Variants in DLG2 observed in about 807,000 individuals in gnomAD.
DLG2 encodes the protein disks large homolog 2.
In DLG2, 45 loss-of-function variants were observed where a neutral mutation model predicts 132.5. The ratio of observed to expected loss-of-function variants is 0.34; its 90% CI spans 0.27 to 0.44. DLG2 has a LOEUF of 0.44. Ranked by LOEUF, DLG2 falls within the 20% of genes least tolerant of loss-of-function variation. The pLI, the probability that DLG2 is intolerant of heterozygous loss-of-function variation, is 1.00. For missense variants in DLG2, 1,045 were observed against 1,196.9 expected, an observed-to-expected ratio of 0.87 and a Z score of 1.87; for synonymous variants, 424 against 419.6, an observed-to-expected ratio of 1.01 and a Z score of -0.13.
At chr11:83,707,793 T>C (rs1354427606) in intron 18 of DLG2, among the ~76,000 whole-genome samples, 1 of 152,218 alleles carries the variant, frequency 6.6e-6, no homozygotes, top group Non-Finnish European at 1.5e-5. Context: ...AGGAACCCTG[T>C]CTTAATCATC....
chr11:84,634,792 A>C (rs1306665531), intron 6 of DLG2, among the ~76,000 whole-genome samples: 1 of 152,186 alleles, frequency 6.6e-6, no homozygotes, highest in African/African-American at 2.4e-5. Context: ...CACAGTAACA[A>C]ACTTGAAGGA....
intron 4 of DLG2, among the ~76,000 whole-genome samples, chr11:85,204,083 C>T (rs1318833853): frequency 6.6e-6 from 1 of 152,072 alleles, no homozygotes; most frequent in African/African-American, 2.4e-5. Context: ...TAACAACATA[C>T]TGAATGGGGA....
intron 6 of DLG2, among the ~76,000 whole-genome samples, chr11:85,073,448 T>C (rs2066132268): frequency 6.6e-6 from 1 of 151,826 alleles, no homozygotes; most frequent in African/African-American, 2.4e-5. Flanking sequence ...ATTATCAGGA[T>C]TGCGTAAGTA....
At position 85,424,266 on chromosome 11, in the gene DLG2, T is replaced by C. The variant is rs367801863; in HGVS notation, c.41-138901A>G. Among the ~76,000 whole-genome samples the C allele has an allele frequency of 1.4e-3, 214 of 152,302 alleles. 1 individual carries two copies. The highest frequency in any genetic ancestry group is 5.1e-3 in the African/African-American group (214 of 41,568). ...TTTGGGCACTCACAGTATTTGGATG[T>C]CTCCCAGGTACTGCAGGAGCAATCT... On this transcript the variant is annotated intron_variant, in intron 3 of 27. Transcript: ENST00000376104.
At chr11:84,779,358 T>C (rs1208928440) in intron 6 of DLG2, among the ~76,000 whole-genome samples, 1 of 152,210 alleles carries the variant, frequency 6.6e-6, no homozygotes, top group African/African-American at 2.4e-5. Flanking sequence ...TATTTCTTTA[T>C]CTGCTAGATC....
intron 7 of DLG2, among the ~76,000 whole-genome samples, chr11:84,501,045 G>A (rs774194012): frequency 5.9e-5 from 9 of 152,064 alleles, no homozygotes; most frequent in Non-Finnish European, 1.3e-4. Context: ...CCCATCCCCT[G>A]AACTCAGTTT....
At chr11:84,840,587 A>C (rs1322927022) in intron 6 of DLG2, among the ~76,000 whole-genome samples, 1 of 152,178 alleles carries the variant, frequency 6.6e-6, no homozygotes, top group African/African-American at 2.4e-5. Context: ...ACTTGGAACC[A>C]ACCCAAATGT....
chr11:85,163,575 A>T (rs1168570707), intron 4 of DLG2, among the ~76,000 whole-genome samples: 1 of 152,188 alleles, frequency 6.6e-6, no homozygotes, highest in Non-Finnish European at 1.5e-5. Context: ...AATAGAAAAT[A>T]GTGTGGGCTT....
chr11:83,896,772 GT>G (rs1376391808), intron 15 of DLG2, among the ~76,000 whole-genome samples: 1 of 152,106 alleles, frequency 6.6e-6, no homozygotes, highest in East Asian at 1.9e-4. Context: ...GGTGATGGAT[GT>G]AACACTGGGT....
chr11:83,464,372 T>G (rs1215486625), intron 26 of DLG2, among the ~76,000 whole-genome samples: 1 of 152,236 alleles, frequency 6.6e-6, no homozygotes, highest in Admixed American at 6.5e-5. Context: ...CTGTCATGCT[T>G]TTGTTCCGGC....
At chr11:83,720,327 G>C (rs149665143) in intron 18 of DLG2, among the ~76,000 whole-genome samples, 17 of 59,090 alleles carry the variant, frequency 2.9e-4, no homozygotes, top group Non-Finnish European at 3.9e-4. Flanking sequence ...AAAAAAAAAA[G>C]AATGACATTC....
intron 6 of DLG2, among the ~76,000 whole-genome samples, chr11:84,781,504 G>A (rs1025487167): frequency 3.3e-5 from 5 of 151,670 alleles, no homozygotes; most frequent in Non-Finnish European, 5.9e-5. Context: ...AGAGGAAAAC[G>A]ACCTAATACA....
At chr11:85,038,936 T>C (rs758330346) in intron 6 of DLG2, among the ~76,000 whole-genome samples, 1 of 152,032 alleles carries the variant, frequency 6.6e-6, no homozygotes, top group Non-Finnish European at 1.5e-5. Flanking sequence ...CTGGAACTCC[T>C]GGAGATTATA....
chr11:84,980,943 A>G (rs1231980315), intron 6 of DLG2, among the ~76,000 whole-genome samples: 1 of 152,128 alleles, frequency 6.6e-6, no homozygotes. Context: ...ATATTGGGGC[A>G]TATGCCTTTC....
intron 6 of DLG2, among the ~76,000 whole-genome samples, chr11:84,977,233 C>T (rs1328716901): frequency 1.3e-5 from 2 of 152,164 alleles, no homozygotes; most frequent in Non-Finnish European, 2.9e-5. Context: ...GGGTTCAATC[C>T]TTCTGAAGGA....
At chr11:84,160,213 G>C (rs1209969329) in intron 9 of DLG2, among the ~76,000 whole-genome samples, 1 of 152,130 alleles carries the variant, frequency 6.6e-6, no homozygotes, top group Non-Finnish European at 1.5e-5. Flanking sequence ...ATGGAGAAGA[G>C]GTCTGTACAC....
intron 18 of DLG2, chr11:83,647,465 G>C (rs2068582842): frequency 6.6e-6 from 1 of 152,132 alleles, no homozygotes; most frequent in African/African-American, 2.4e-5. Context: ...AGCTATAGCT[G>C]CTCCTTTTAA....
At chr11:83,951,331 A>G (rs1036526754) in intron 14 of DLG2, among the ~76,000 whole-genome samples, 1 of 152,188 alleles carries the variant, frequency 6.6e-6, no homozygotes, top group Non-Finnish European at 1.5e-5. Context: ...TACAAAACAG[A>G]TAAGTCCCTG....
At chr11:84,220,780 C>CTTT (rs5793114) in intron 8 of DLG2, among the ~76,000 whole-genome samples, 56 of 77,464 alleles carry the variant, frequency 7.2e-4, no homozygotes, top group East Asian at 1.6e-3. Flanking sequence ...TTTTTCTTTT[C>CTTT]TTTTTTTTTT....
Sources: allele counts gnomAD v4.1 joint callset (sites outside exome capture counted in the v4.1 genomes callset), GRCh38; gene constraint gnomAD v4.1.1; transcripts MANE v1.5; gene names NCBI Gene and HGNC (gene_info 2026-07-23, HGNC 2026-07-21).